Variants in PRSS41 observed in about 807,000 individuals in gnomAD.
PRSS41 encodes the protein serine protease 41.
PRSS41 carries 37 observed loss-of-function variants against 28.8 expected under a neutral mutation model. That is an observed-to-expected ratio of 1.29 (90% confidence interval 0.99 to 1.69). The LOEUF is 1.69. Among genes scored for constraint, PRSS41 ranks in the 40% most tolerant of loss-of-function variants. The probability of loss-of-function intolerance (pLI) is 0.00; values close to 1 mark genes in which losing one functional copy is unlikely to be tolerated. For synonymous variants in PRSS41, 195 were observed against 163.1 expected (o/e 1.20, Z -1.49); for missense variants, 431 against 400.7 (o/e 1.08, Z -0.65).
At chr16:2,802,436 G>A (rs1347668728) in intron 4 of PRSS41, among the ~76,000 whole-genome samples, 3 of 151,466 alleles carry the variant, frequency 2.0e-5, no homozygotes, top group South Asian at 2.1e-4. Flanking sequence ...CATCCCAGAC[G>A]ATGGGCGGCC....
At chr16:2,802,120 T>C (rs1437767795) in intron 4 of PRSS41, among the ~76,000 whole-genome samples, 3 of 145,480 alleles carry the variant, frequency 2.1e-5, no homozygotes, top group Non-Finnish European at 3.0e-5. Context: ...TCCTCACTTC[T>C]CAGACGGAGT....
At chr16:2,800,952 A>G (rs2068981801) in intron 4 of PRSS41, among the ~76,000 whole-genome samples, 1 of 152,100 alleles carries the variant, frequency 6.6e-6, no homozygotes, top group African/African-American at 2.4e-5. Flanking sequence ...AACATACAAC[A>G]TATGATTTTT....
At chr16:2,804,034 C>T (rs2150800487) in intron 4 of PRSS41, among the ~76,000 whole-genome samples, 1 of 152,308 alleles carries the variant, frequency 6.6e-6, no homozygotes, top group Non-Finnish European at 1.5e-5. Context: ...CTGGATCCCA[C>T]AGCTGTCATG....
chr16:2,798,658 G>T (rs756687805), exon 2 of PRSS41: 2 of 1,478,316 alleles, frequency 1.4e-6, no homozygotes, highest in Admixed American at 5.1e-5. Flanking sequence ...AGGAGCTGTT[G>T]TCAGGTAGGG....
chr16:2,800,708 CTG>C (rs1446832706), intron 4 of PRSS41, among the ~76,000 whole-genome samples: 1 of 152,146 alleles, frequency 6.6e-6, no homozygotes, highest in Non-Finnish European at 1.5e-5. Flanking sequence ...TTTATAAACA[CTG>C]TATACTGAGG....
intron 4 of PRSS41, among the ~76,000 whole-genome samples, chr16:2,803,288 G>A (rs1381699174): frequency 1.3e-5 from 2 of 151,380 alleles, no homozygotes; most frequent in Non-Finnish European, 2.9e-5. Flanking sequence ...GATTGTTTTA[G>A]AGTACCATAT....
intron 5 of PRSS41, 83 bp from the exon 6 acceptor site, chr16:2,804,831 G>T: frequency 9.3e-7 from 1 of 1,080,666 alleles, no homozygotes; most frequent in Non-Finnish European, 1.4e-6. Flanking sequence ...AGTCTGCCTA[G>T]CCCCACAGCC....
At chr16:2,801,585 A>T (rs997286430) in intron 4 of PRSS41, among the ~76,000 whole-genome samples, 1 of 151,556 alleles carries the variant, frequency 6.6e-6, no homozygotes, top group Non-Finnish European at 1.5e-5. Context: ...AACAAAGCAC[A>T]TCTTGCACCG....
At chr16:2,802,761 C>T (rs1379706018) in intron 4 of PRSS41, among the ~76,000 whole-genome samples, 4 of 152,094 alleles carry the variant, frequency 2.6e-5, no homozygotes, top group Non-Finnish European at 5.9e-5. Context: ...ATCGCAGGCA[C>T]TCGGCAGGCT....
exon 2 of PRSS41, chr16:2,798,638 T>A: frequency 6.7e-7 from 1 of 1,488,330 alleles, no homozygotes; most frequent in South Asian, 1.3e-5. Context: ...TCCTGCAGAG[T>A]CGCAGGAGGA....
chr16:2,798,578 G>C, intron 1 of PRSS41, 30 bp downstream of exon 1: 26 of 1,526,296 alleles, frequency 1.7e-5, no homozygotes, highest in Non-Finnish European at 2.3e-5. Context: ...GGCGGGACCG[G>C]GGGCAGCGAG....
In PRSS41 at chr16:2,800,369, C is replaced by T. The variant is rs553228360; in HGVS notation, c.541+800C>T. On this transcript the variant is annotated intron_variant, in intron 4 of 5. Coordinates refer to ENST00000399677, the Ensembl canonical transcript of PRSS41. ...CAGCCTGACCAATATGGTGAAACCC[C>T]GTCTCTACTAAAAATACAAAAATTA... Among the ~76,000 whole-genome samples the T allele has an allele frequency of 1.7e-3, 265 of 151,992 alleles. 1 individual carries two copies. Among genetic ancestry groups the T allele is most frequent in the African/African-American group, 6.1e-3 (251 of 41,448 alleles).
exon 4 of PRSS41, chr16:2,799,493 C>A (rs374323400): frequency 3.3e-5 from 51 of 1,551,950 alleles, no homozygotes; most frequent in Non-Finnish European, 4.2e-5. Context: ...CCATTTGCAT[C>A]GAGTCTTCCA....
rs1471890247 is a variant in PRSS41, at chr16:2,799,578, G to A, written c.541+9G>A. Reference sequence around the variant, plus strand: ...AATCAGCCCCAGTGGCAGTGAGGCTGGGGATAGACCGGGTGGGGTGATGGG... The same window carrying A: ...AATCAGCCCCAGTGGCAGTGAGGCTAGGGATAGACCGGGTGGGGTGATGGG... On this transcript the variant is annotated intron_variant, in intron 4 of 5. Coordinates refer to ENST00000399677, the Ensembl canonical transcript of PRSS41. 1 of 1,550,792 alleles carries A rather than the reference G, an allele frequency of 6.4e-7. No individual in the cohort carries two copies. The highest frequency in any genetic ancestry group is 2.0e-5 in the Admixed American group (1 of 50,994).
intron 4 of PRSS41, among the ~76,000 whole-genome samples, chr16:2,800,310 G>A (rs2150798266): frequency 6.6e-6 from 1 of 152,294 alleles, no homozygotes; most frequent in Middle Eastern, 3.4e-3. Flanking sequence ...GGAGGCCGAG[G>A]CAGGTGAATC....
chr16:2,800,180 A>G (rs1319485538), intron 4 of PRSS41, among the ~76,000 whole-genome samples: 1 of 152,190 alleles, frequency 6.6e-6, no homozygotes, highest in Non-Finnish European at 1.5e-5. Context: ...GAGCAGTTGT[A>G]ACACACTGGT....
At chr16:2,800,963 A>G (rs577201916) in intron 4 of PRSS41, among the ~76,000 whole-genome samples, 104 of 152,014 alleles carry the variant, frequency 6.8e-4, no homozygotes, top group African/African-American at 2.5e-3. Flanking sequence ...TATGATTTTT[A>G]GGGGTCTAGA....
intron 4 of PRSS41, among the ~76,000 whole-genome samples, chr16:2,802,765 G>A (rs1466797198): frequency 1.3e-5 from 2 of 152,206 alleles, no homozygotes; most frequent in East Asian, 3.9e-4. Context: ...CAGGCACTCG[G>A]CAGGCTGAGG....
In PRSS41 at chr16:2,798,628, T is replaced by A; in HGVS notation, c.65-8T>A. ...GAGGCCGCGAGGGTCACTTCTTGTGTCCTGCAGAGTCGCAGGAGGAGGAGC... is the reference window on the plus strand; with the variant it reads ...GAGGCCGCGAGGGTCACTTCTTGTGACCTGCAGAGTCGCAGGAGGAGGAGC... On this transcript the variant is annotated splice_polypyrimidine_tract_variant and splice_region_variant and intron_variant, in intron 1 of 5. Coordinates refer to ENST00000399677, the Ensembl canonical transcript of PRSS41. 6.6e-7 allele frequency: 1 copy of A among 1,506,276 alleles called. No individual in the cohort carries two copies. The allele number at this position is 1,506,276 out of a possible 1,614,324, so 93.3% of individuals were successfully genotyped here.
Sources: gnomAD v4.1 joint callset for allele counts (sites outside exome capture counted in the v4.1 genomes callset) on GRCh38, gnomAD v4.1.1 for gene constraint, MANE v1.5 for transcripts, NCBI Gene and HGNC (gene_info 2026-07-23, HGNC 2026-07-21) for gene names.